The following TCF12 variants were observed in gnomAD, a reference collection of about 807,000 sequenced individuals.
TCF12 encodes the protein DNA-binding protein HTF4.
Under a neutral mutation model 86.0 loss-of-function variants are expected in TCF12, and 45 were observed. The observed-to-expected ratio is 0.52, with a 90% CI of 0.41 to 0.67. The LOEUF (loss-of-function observed/expected upper bound fraction) is 0.67, where lower values mean the gene tolerates loss of function less well. Among genes scored for constraint, TCF12 ranks in the 30% least tolerant of loss-of-function variants. TCF12 has a pLI of 0.00. For missense variants in TCF12, 881 were observed against 859.9 expected, an observed-to-expected ratio of 1.02 and a Z score of -0.31; for synonymous variants, 330 against 299.6, an observed-to-expected ratio of 1.10 and a Z score of -1.05.
At chr15:57,257,992 T>A (rs1423991620) in intron 16 of TCF12, among the ~76,000 whole-genome samples, 1 of 152,118 alleles carries the variant, frequency 6.6e-6, no homozygotes, top group Non-Finnish European at 1.5e-5. Flanking sequence ...AGTAGAAAAC[T>A]GAAAATAAAA....
At chr15:57,272,665 A>G (rs1842317293) in intron 18 of TCF12, among the ~76,000 whole-genome samples, 1 of 152,216 alleles carries the variant, frequency 6.6e-6, no homozygotes, top group South Asian at 2.1e-4. Flanking sequence ...AGTGTTTTTA[A>G]CAAGCTCCCA....
At chr15:57,079,708 G>A (rs1420939802) in intron 4 of TCF12, among the ~76,000 whole-genome samples, 1 of 152,102 alleles carries the variant, frequency 6.6e-6, no homozygotes, top group Non-Finnish European at 1.5e-5. Flanking sequence ...AGAAGGAAAT[G>A]CCTTTACTTA....
intron 5 of TCF12, among the ~76,000 whole-genome samples, chr15:57,113,021 A>G (rs1445617201): frequency 6.6e-6 from 1 of 152,188 alleles, no homozygotes; most frequent in Admixed American, 6.5e-5. Context: ...TCTCCTGCAC[A>G]TCATTGTTCT....
intron 3 of TCF12, among the ~76,000 whole-genome samples, chr15:56,931,394 G>A (rs192398717): frequency 1.3e-5 from 2 of 152,224 alleles, no homozygotes; most frequent in East Asian, 1.9e-4. Flanking sequence ...AAAATCAGGA[G>A]TGTAGAATTC....
chr15:56,930,761 T>G (rs1163801913), intron 3 of TCF12, among the ~76,000 whole-genome samples: 4 of 152,096 alleles, frequency 2.6e-5, no homozygotes, highest in South Asian at 2.1e-4. Context: ...CTTTTCCCAG[T>G]TAGAGATCCA....
At chr15:57,084,643 A>G (rs1454555451) in intron 4 of TCF12, among the ~76,000 whole-genome samples, 1 of 152,112 alleles carries the variant, frequency 6.6e-6, no homozygotes, top group Non-Finnish European at 1.5e-5. Context: ...AGTACTGAGG[A>G]TGTAGATTAG....
chr15:57,145,635 A>G lies in TCF12; in HGVS notation c.326-20767A>G, dbSNP rs180895101. 8.6e-5 allele frequency among the ~76,000 whole-genome samples: 13 copies of G among 151,372 alleles called. No homozygotes were observed. In the East Asian group the frequency reaches 2.5e-3, roughly 29 times the overall value. On this transcript the variant is annotated intron_variant, in intron 5 of 20. Transcript: ENST00000333725. ...TCATTTAAAAAATATATTTTAGAGA[A>G]TGAAAAAGGGAAAAAGAGTTGGTGT...
intron 3 of TCF12, among the ~76,000 whole-genome samples, chr15:56,926,560 T>G (rs1356445174): frequency 6.6e-6 from 1 of 152,262 alleles, no homozygotes; most frequent in East Asian, 1.9e-4. Context: ...GTCTTACAGC[T>G]GAGGAATAGC....
intron 4 of TCF12, among the ~76,000 whole-genome samples, chr15:57,079,296 G>GA (rs2070416556): frequency 6.6e-6 from 1 of 152,118 alleles, no homozygotes; most frequent in African/African-American, 2.4e-5. Context: ...TGTACTAGGT[G>GA]AAGATGCTGA....
chr15:57,173,469 A>G (rs2055674404), intron 6 of TCF12, among the ~76,000 whole-genome samples: 1 of 152,156 alleles, frequency 6.6e-6, no homozygotes, highest in Admixed American at 6.5e-5. Flanking sequence ...GAAATAAATC[A>G]TAAAGTTAAC....
rs1855195207 is a variant in TCF12 at position 57,231,329 on chromosome 15, G to A, written c.685+72G>A. 9 of 1,219,746 alleles carry A rather than the reference G, an allele frequency of 7.4e-6. No individual in the cohort carries two copies. The Admixed American group carries it at 1.5e-4, about 21-fold the overall frequency. 75.6% of individuals were successfully genotyped at this position (1,219,746 alleles called of 1,614,324 possible). ...TATCAGCCAGTATTTTAAAGTATTAGGAAAGAGAATACCTATATTCAGGCC... is the reference window on the plus strand; with the variant it reads ...TATCAGCCAGTATTTTAAAGTATTAAGAAAGAGAATACCTATATTCAGGCC... On this transcript the variant is annotated intron_variant, in intron 9 of 20. Transcript: ENST00000333725.
At chr15:56,935,614 A>G (rs1850285819) in intron 3 of TCF12, among the ~76,000 whole-genome samples, 5 of 152,108 alleles carry the variant, frequency 3.3e-5, no homozygotes, top group African/African-American at 1.2e-4. Context: ...GTAGTCTTTT[A>G]TCCCTCACCG....
chr15:57,257,679 G>GTATATA (rs55834033), intron 16 of TCF12, among the ~76,000 whole-genome samples: 3,404 of 140,252 alleles, frequency 0.024, 60 homozygotes, highest in Non-Finnish European at 0.035. Context: ...AAAAAAAAGT[G>GTATATA]TATATATATA....
intron 16 of TCF12, among the ~76,000 whole-genome samples, chr15:57,253,670 A>C (rs1383988969): frequency 6.6e-6 from 1 of 152,190 alleles, no homozygotes; most frequent in Non-Finnish European, 1.5e-5. Flanking sequence ...AAAAAGCATA[A>C]GCTTTCTACA....
At chr15:57,105,910 A>T (rs1164951083) in intron 5 of TCF12, among the ~76,000 whole-genome samples, 1 of 152,214 alleles carries the variant, frequency 6.6e-6, no homozygotes. Flanking sequence ...TATAAGGGGT[A>T]TTTAAAAAGT....
At chr15:57,021,645 C>T (rs2065489457) in intron 3 of TCF12, among the ~76,000 whole-genome samples, 1 of 152,160 alleles carries the variant, frequency 6.6e-6, no homozygotes, top group African/African-American at 2.4e-5. Flanking sequence ...TACGATTTTA[C>T]CACAGTGACT....
chr15:57,178,003 A>G (rs1299381554), intron 6 of TCF12, among the ~76,000 whole-genome samples: 1 of 152,222 alleles, frequency 6.6e-6, no homozygotes, highest in African/African-American at 2.4e-5. Context: ...TGCTCGTTGG[A>G]AGCAGTTTCA....
At chr15:56,944,486 AAAT>A (rs1438579919) in intron 3 of TCF12, among the ~76,000 whole-genome samples, 4 of 152,332 alleles carry the variant, frequency 2.6e-5, no homozygotes, top group African/African-American at 9.6e-5. Flanking sequence ...GGGAATTAAA[AAAT>A]AAGTCACTTA....
chr15:56,918,518 G>T (rs988916372), upstream of TCF12: 34 of 315,572 alleles, frequency 1.1e-4, no homozygotes, highest in Non-Finnish European at 1.9e-4. Flanking sequence ...GCCGCGGTGC[G>T]GCTCCTCCCA....
Sources: allele counts gnomAD v4.1 joint callset (sites outside exome capture counted in the v4.1 genomes callset), GRCh38; gene constraint gnomAD v4.1.1; transcripts MANE v1.5; gene names NCBI Gene and HGNC (gene_info 2026-07-23, HGNC 2026-07-21).